The following PTPRM variants were observed in gnomAD, a reference collection of about 807,000 sequenced individuals.
PTPRM encodes receptor-type tyrosine-protein phosphatase mu.
In PTPRM, 47 loss-of-function variants were observed where a neutral mutation model predicts 186.7. The ratio of observed to expected loss-of-function variants is 0.25; its 90% confidence interval spans 0.20 to 0.32. The LOEUF (loss-of-function observed/expected upper bound fraction) is 0.32, where lower values mean the gene tolerates loss of function less well. PTPRM is among the 10% of genes least tolerant of loss of function. PTPRM has a pLI of 1.00. For synonymous variants in PTPRM, 668 were observed against 674.9 expected, an observed-to-expected ratio of 0.99 and a Z score of 0.16; for missense variants, 1,494 against 1,865.0, an observed-to-expected ratio of 0.80 and a Z score of 3.66.
rs200884642 is a variant in PTPRM, at chr18:7,676,659, G to A, written c.74-97490G>A. Among the ~76,000 whole-genome samples, 85 of 120,906 alleles carry A rather than the reference G, an allele frequency of 7.0e-4. No individual in the cohort carries two copies. In the South Asian group the frequency reaches 9.2e-3, roughly 13 times the overall value. The allele number at this position is 120,906 out of a possible 152,430, so 79.3% of individuals were successfully genotyped here. A position where few individuals can be genotyped will look rare whatever the true frequency, so the allele number is the denominator to read the frequency against. On this transcript the variant is annotated intron_variant, in intron 1 of 32. Coordinates refer to ENST00000580170, the MANE Select transcript of PTPRM (RefSeq NM_001105244.2). ...TGTGTGTGTGTGTGTGTGTGTGTGT[G>A]TGTATGTGTGTGTGTGTGTGTGTGT...
At chr18:8,182,399 A>G (rs2093588501) in intron 14 of PTPRM, among the ~76,000 whole-genome samples, 1 of 152,234 alleles carries the variant, frequency 6.6e-6, no homozygotes, top group Non-Finnish European at 1.5e-5. Flanking sequence ...TATCTCATGT[A>G]TTTTGAAATA....
At chr18:8,378,500 A>T in intron 27 of PTPRM, 86 bp downstream of exon 27, 5 of 1,501,294 alleles carry the variant, frequency 3.3e-6, no homozygotes, top group Non-Finnish European at 4.5e-6. Flanking sequence ...GAGCCCTTGA[A>T]TCACAAGGTT....
chr18:8,121,155 A>G (rs774101232), intron 13 of PTPRM, among the ~76,000 whole-genome samples: 10 of 152,180 alleles, frequency 6.6e-5, no homozygotes, highest in Non-Finnish European at 1.5e-4. Context: ...TGTGTGAAAG[A>G]CTGTTACACC....
At chr18:7,948,706 G>T (rs1416098472) in intron 5 of PTPRM, among the ~76,000 whole-genome samples, 1 of 152,148 alleles carries the variant, frequency 6.6e-6, no homozygotes, top group East Asian at 1.9e-4. Context: ...GTTCAATAGG[G>T]AGTACTCTAA....
At chr18:7,662,738 A>G (rs1008187885) in intron 1 of PTPRM, among the ~76,000 whole-genome samples, 1 of 152,228 alleles carries the variant, frequency 6.6e-6, no homozygotes, top group Non-Finnish European at 1.5e-5. Context: ...CAAAGGATAA[A>G]TACTTCACGT....
intron 20 of PTPRM, among the ~76,000 whole-genome samples, chr18:8,311,107 C>G (rs597484): frequency 0.28 from 42,254 of 152,012 alleles, 9,867 homozygotes; most frequent in African/African-American, 0.63. Flanking sequence ...TCAGTGGTTC[C>G]AGAACAGCCT....
intron 14 of PTPRM, among the ~76,000 whole-genome samples, chr18:8,219,487 T>C (rs2094129990): frequency 6.6e-6 from 1 of 151,514 alleles, no homozygotes; most frequent in South Asian, 2.1e-4. Flanking sequence ...AAACTTATTC[T>C]GAGTCAATAT....
At chr18:8,337,793 G>C (rs1241983085) in intron 22 of PTPRM, among the ~76,000 whole-genome samples, 1 of 152,152 alleles carries the variant, frequency 6.6e-6, no homozygotes, top group East Asian at 1.9e-4. Flanking sequence ...GGGAAGGAGC[G>C]TGAGGGAGAT....
At chr18:8,136,531 TA>T (rs2092643356) in intron 13 of PTPRM, among the ~76,000 whole-genome samples, 1 of 152,166 alleles carries the variant, frequency 6.6e-6, no homozygotes. Flanking sequence ...ATCTCAGTCT[TA>T]TATGAAAAAT....
At chr18:8,091,616 A>G (rs1328237672) in intron 11 of PTPRM, among the ~76,000 whole-genome samples, 2 of 149,986 alleles carry the variant, frequency 1.3e-5, no homozygotes, top group African/African-American at 4.9e-5. Context: ...CAGAAAAGTG[A>G]ATGTTGTCTT....
chr18:7,952,514 C>T (rs573577040), intron 6 of PTPRM, among the ~76,000 whole-genome samples: 5 of 151,446 alleles, frequency 3.3e-5, no homozygotes, highest in South Asian at 4.2e-4. Context: ...CTGGCTAACA[C>T]GGTGAAACCC....
intron 7 of PTPRM, among the ~76,000 whole-genome samples, chr18:8,045,432 T>C (rs2086979512): frequency 1.3e-5 from 2 of 152,214 alleles, no homozygotes; most frequent in South Asian, 2.1e-4. Flanking sequence ...CATCAACTGA[T>C]GAATGGCTTA....
At chr18:8,216,500 T>C (rs1340937308) in intron 14 of PTPRM, among the ~76,000 whole-genome samples, 1 of 152,242 alleles carries the variant, frequency 6.6e-6, no homozygotes, top group African/African-American at 2.4e-5. Flanking sequence ...CACATTCTGC[T>C]GATGTCTTTG....
chr18:7,850,552 A>G (rs2046811707), intron 2 of PTPRM, among the ~76,000 whole-genome samples: 2 of 152,204 alleles, frequency 1.3e-5, no homozygotes, highest in African/African-American at 4.8e-5. Context: ...GAGCTGTGAA[A>G]TTCATATTTT....
At chr18:7,732,606 A>G (rs745566393) in intron 1 of PTPRM, among the ~76,000 whole-genome samples, 1 of 152,112 alleles carries the variant, frequency 6.6e-6, no homozygotes, top group Non-Finnish European at 1.5e-5. Context: ...TTCTGGTCTC[A>G]AGTGATCCTC....
rs1033125205 is a variant in PTPRM at position 8,252,541 on chromosome 18, G to A, written c.2566+42G>A. ...GCCCCATGGAAGAGTTGTGGAGGGA[G>A]TGGGAGTGTGTGTCTTACTGGTAGA... is the stretch of plus-strand genomic sequence containing the variant. On this transcript the variant is annotated intron_variant, in intron 18 of 32. Coordinates refer to ENST00000580170, the MANE Select transcript of PTPRM (RefSeq NM_001105244.2). 9.9e-6 allele frequency: 15 copies of A among 1,521,874 alleles called. 1 individual carries two copies. The highest frequency in any genetic ancestry group is 1.7e-4 in the Middle Eastern group (1 of 5,916). The allele number at this position is 1,521,874 out of a possible 1,614,324, so 94.3% of individuals were successfully genotyped here.
chr18:7,783,710 T>C (rs2042962272), intron 2 of PTPRM, among the ~76,000 whole-genome samples: 1 of 151,846 alleles, frequency 6.6e-6, no homozygotes, highest in African/African-American at 2.4e-5. Context: ...TATCTGGGAC[T>C]ATAGGTGCAT....
At chr18:7,817,642 G>A (rs563311050) in intron 2 of PTPRM, among the ~76,000 whole-genome samples, 1 of 152,254 alleles carries the variant, frequency 6.6e-6, no homozygotes, top group Admixed American at 6.5e-5. Flanking sequence ...ATTATTCCAT[G>A]AAATAAGGCA....
chr18:8,127,418 G>GTTTTTT (rs10700223), intron 13 of PTPRM, among the ~76,000 whole-genome samples: 21 of 133,782 alleles, frequency 1.6e-4, no homozygotes, highest in African/African-American at 5.5e-4. Flanking sequence ...CAGCTGTATT[G>GTTTTTT]TTTTTTTTTT....
Sources: allele counts gnomAD v4.1 joint callset (sites outside exome capture counted in the v4.1 genomes callset), GRCh38; gene constraint gnomAD v4.1.1; transcripts MANE v1.5; gene names NCBI Gene and HGNC (gene_info 2026-07-23, HGNC 2026-07-21).